The following HTR7 variants were observed in gnomAD, a reference collection of about 807,000 sequenced individuals.
The protein encoded by HTR7 is 5-HT-7.
In HTR7, 16 loss-of-function variants were observed where a neutral mutation model predicts 34.0. The ratio of observed to expected loss-of-function variants is 0.47; its 90% CI spans 0.32 to 0.71. The LOEUF (loss-of-function observed/expected upper bound fraction) is 0.71. HTR7 is among the 30% of genes least tolerant of loss of function. The probability of loss-of-function intolerance (pLI) is 0.04; values close to 1 mark genes in which losing one functional copy is unlikely to be tolerated. For missense variants in HTR7, 504 were observed against 625.5 expected, an observed-to-expected ratio of 0.81 and a Z score of 2.07; for synonymous variants, 265 against 260.2, an observed-to-expected ratio of 1.02 and a Z score of -0.18.
At chr10:90,808,251 C>G (rs1589459510) in intron 1 of HTR7, among the ~76,000 whole-genome samples, 1 of 151,922 alleles carries the variant, frequency 6.6e-6, no homozygotes, top group Admixed American at 6.6e-5. Flanking sequence ...CCGTCTCCAC[C>G]TTTCTGGGGG....
chr10:90,794,740 C>T (rs1392226435), intron 1 of HTR7, among the ~76,000 whole-genome samples: 1 of 152,138 alleles, frequency 6.6e-6, no homozygotes, highest in Non-Finnish European at 1.5e-5. Context: ...TGGGCTCAAG[C>T]AATCCTCCTA....
chr10:90,823,023 A>G (rs772377074), intron 1 of HTR7, among the ~76,000 whole-genome samples: 1 of 152,270 alleles, frequency 6.6e-6, no homozygotes, highest in Non-Finnish European at 1.5e-5. Flanking sequence ...TGCAGGCAGA[A>G]GTCTACTGCA....
At chr10:90,759,394 G>A (rs1230635318) in intron 1 of HTR7, among the ~76,000 whole-genome samples, 4 of 151,834 alleles carry the variant, frequency 2.6e-5, no homozygotes, top group African/African-American at 4.8e-5. Flanking sequence ...GGTGGCTCAC[G>A]CCTGTAATCC....
chr10:90,832,965 C>A (rs1378150630), intron 1 of HTR7, among the ~76,000 whole-genome samples: 1 of 152,228 alleles, frequency 6.6e-6, no homozygotes, highest in African/African-American at 2.4e-5. Flanking sequence ...TCCCTGGACT[C>A]TCCACTGGCT....
rs1367677451 is a variant in HTR7, at chr10:90,743,699, T to C, written c.1296-9A>G. 3 of 1,601,048 alleles carry C rather than the reference T, an allele frequency of 1.9e-6. No individual in the cohort carries two copies. The highest frequency in any genetic ancestry group is 1.7e-6 in the Non-Finnish European group (2 of 1,168,334). On this transcript the variant is annotated splice_polypyrimidine_tract_variant and intron_variant, in intron 2 of 3. Coordinates refer to ENST00000336152, the MANE Select transcript of HTR7 (RefSeq NM_019859.4). ...TCCTTGTGCAGGCCCTCCTGCAATT[T>C]ATGGCAATTCAAAGCAAATCCATAA...
intron 1 of HTR7, among the ~76,000 whole-genome samples, chr10:90,751,793 C>G (rs1246925971): frequency 6.6e-6 from 1 of 152,174 alleles, no homozygotes; most frequent in Non-Finnish European, 1.5e-5. Context: ...TCTGTTTTCT[C>G]TCCCATTTCT....
chr10:90,807,120 C>T (rs977968095), intron 1 of HTR7, among the ~76,000 whole-genome samples: 39 of 152,234 alleles, frequency 2.6e-4, no homozygotes, highest in African/African-American at 7.7e-4. Flanking sequence ...ATTTTAAATA[C>T]GACAGAGTGG....
At chr10:90,779,592 C>G (rs1318135480) in intron 1 of HTR7, among the ~76,000 whole-genome samples, 1 of 152,180 alleles carries the variant, frequency 6.6e-6, no homozygotes, top group African/African-American at 2.4e-5. Context: ...ACTCTTTAGG[C>G]CAGCTCTCCT....
At position 90,742,173 on chromosome 10, in the gene HTR7, A is replaced by G. The variant is rs1364338425; in HGVS notation, c.*309T>C. 1.4e-5 allele frequency: 3 copies of G among 218,742 alleles called. No individual in the cohort carries two copies. Among genetic ancestry groups the G allele is most frequent in the Non-Finnish European group, 2.7e-5 (3 of 110,546 alleles). The allele number at this position is 218,742 out of a possible 1,614,324, so 13.6% of individuals were successfully genotyped here. A position where few individuals can be genotyped will look rare whatever the true frequency, so the allele number is the denominator to read the frequency against. On this transcript the variant is annotated 3_prime_UTR_variant, in exon 4 of 4. Transcript: ENST00000336152. The stretch of plus-strand genomic sequence containing the variant: ...TGCACTGGAACTTTCTCCCACTTGC[A>G]TGGATTTGGACATATGCAAAGCACC...
intron 1 of HTR7, among the ~76,000 whole-genome samples, chr10:90,836,136 G>A (rs1846248978): frequency 6.6e-6 from 1 of 152,136 alleles, no homozygotes; most frequent in Admixed American, 6.5e-5. Context: ...AGCAGCATCT[G>A]AACTCGATTA....
At position 90,800,080 on chromosome 10, in the gene HTR7, A is replaced by T. The variant is rs140794488; in HGVS notation, c.540-50486T>A. On this transcript the variant is annotated intron_variant, in intron 1 of 3. Coordinates refer to ENST00000336152, the MANE Select transcript of HTR7 (RefSeq NM_019859.4). Reference sequence around the variant, plus strand: ...AAGATAACACCATTAATAAGAAGAAAAATACAAATTTAAATGACAACAGAA... The same window carrying T: ...AAGATAACACCATTAATAAGAAGAATAATACAAATTTAAATGACAACAGAA... Among the ~76,000 whole-genome samples the T allele has an allele frequency of 2.0e-3, 301 of 152,312 alleles. 1 individual carries two copies. The highest frequency in any genetic ancestry group is 6.8e-3 in the African/African-American group (284 of 41,572).
At chr10:90,778,330 G>A (rs1021448320) in intron 1 of HTR7, among the ~76,000 whole-genome samples, 25 of 152,096 alleles carry the variant, frequency 1.6e-4, no homozygotes, top group African/African-American at 5.3e-4. Context: ...ATGGGTTAAT[G>A]GATTCATAGA....
chr10:90,845,045 T>G (rs899115824), intron 1 of HTR7, among the ~76,000 whole-genome samples: 1 of 151,928 alleles, frequency 6.6e-6, no homozygotes, highest in African/African-American at 2.4e-5. Flanking sequence ...GAAGTTGAGT[T>G]GCTGGGGGTA....
intron 2 of HTR7, 112 bp from the exon 3 acceptor site, chr10:90,743,802 T>C (rs41286876): frequency 1.2e-5 from 10 of 813,486 alleles, no homozygotes; most frequent in Non-Finnish European, 1.9e-5. Flanking sequence ...TACCAATCTG[T>C]GAATACTTGT....
intron 1 of HTR7, among the ~76,000 whole-genome samples, chr10:90,770,791 C>A (rs1356728306): frequency 6.6e-6 from 1 of 152,234 alleles, no homozygotes. Context: ...TGGACCCTAG[C>A]AGGAGGCAGA....
intron 1 of HTR7, among the ~76,000 whole-genome samples, chr10:90,797,822 A>G (rs12264464): frequency 0.012 from 1,885 of 152,372 alleles, 36 homozygotes; most frequent in African/African-American, 0.043. Context: ...TCATTTATAA[A>G]GAAAATACAT....
At chr10:90,796,519 T>C (rs555523281) in intron 1 of HTR7, among the ~76,000 whole-genome samples, 4 of 152,016 alleles carry the variant, frequency 2.6e-5, no homozygotes, top group Non-Finnish European at 5.9e-5. Flanking sequence ...AGGCCAGGAG[T>C]TCCAGAACAC....
intron 2 of HTR7, chr10:90,744,004 C>A (rs1454401420): frequency 2.0e-6 from 1 of 500,746 alleles, no homozygotes. Flanking sequence ...AACAGTCTTA[C>A]AGGTTTGTAC....
At chr10:90,765,099 T>C (rs1447597442) in intron 1 of HTR7, among the ~76,000 whole-genome samples, 1 of 152,188 alleles carries the variant, frequency 6.6e-6, no homozygotes, top group Non-Finnish European at 1.5e-5. Flanking sequence ...AGTTTGAGAA[T>C]AATTCACATT....
Sources: allele counts gnomAD v4.1 joint callset (sites outside exome capture counted in the v4.1 genomes callset), GRCh38; gene constraint gnomAD v4.1.1; transcripts MANE v1.5; gene names NCBI Gene and HGNC (gene_info 2026-07-23, HGNC 2026-07-21).